The following MICALL2 variants were observed in gnomAD, a reference collection of about 807,000 sequenced individuals.
The protein encoded by MICALL2 is MICAL-like protein 2.
Under a neutral mutation model 91.1 loss-of-function variants are expected in MICALL2, and 111 were observed. That is an observed-to-expected ratio of 1.22 (90% CI 1.04 to 1.43). The LOEUF (loss-of-function observed/expected upper bound fraction) is 1.43, where lower values mean the gene tolerates loss of function less well. Among genes scored for constraint, MICALL2 ranks in the 40% most tolerant of loss-of-function variants. MICALL2 has a pLI of 0.00. For synonymous variants in MICALL2, 694 were observed against 525.3 expected, an observed-to-expected ratio of 1.32 and a Z score of -4.39; for missense variants, 1,556 against 1,236.0, an observed-to-expected ratio of 1.26 and a Z score of -3.88.
At chr7:1,441,958 G>C in intron 7 of MICALL2, 1 of 579,142 alleles carries the variant, frequency 1.7e-6, no homozygotes, top group Non-Finnish European at 3.1e-6. Flanking sequence ...CGTGCGGATG[G>C]GGTGGGCTGG....
intron 10 of MICALL2, 35 bp from the exon 11 acceptor site, chr7:1,438,388 G>C: frequency 1.9e-6 from 3 of 1,576,672 alleles, no homozygotes; most frequent in Non-Finnish European, 2.6e-6. Flanking sequence ...CTGGGACCTG[G>C]GCCACCAGGC....
At position 1,442,459 on chromosome 7, in the gene MICALL2, G is replaced by C. The variant is rs773888512; in HGVS notation, c.1444C>G (p.Pro482Ala). 3 of 1,541,732 alleles carry C rather than the reference G, an allele frequency of 1.9e-6. No individual in the cohort carries two copies. The highest frequency in any genetic ancestry group is 1.9e-5 in the Admixed American group (1 of 51,410). Residue 482 changes from proline to alanine, a missense_variant, in exon 7 of 17, where the codon CCC becomes GCC. Transcript: ENST00000297508. ...GCTTCAGTTTTGGGCTGAGAACTGG[G>C]AACAGCGGCAGTGGCTGGGGAGGGC... Reference protein sequence around the residue: ...GRPSPATAAVPSSQPKTEAPQ... With the variant: ...GRPSPATAAVASSQPKTEAPQ...
At chr7:1,438,684 G>GCGGGCCTGGGGCA in intron 10 of MICALL2, 156 bp downstream of exon 10, 1 of 1,458,694 alleles carries the variant, frequency 6.9e-7, no homozygotes, top group Non-Finnish European at 9.0e-7. Context: ...ATTCATGAGG[G>GCGGGCCTGGGGCA]CGGGCCTGGG....
At chr7:1,440,472 C>T in intron 8 of MICALL2, 119 bp downstream of exon 8, 2 of 908,386 alleles carry the variant, frequency 2.2e-6, no homozygotes, top group Non-Finnish European at 1.7e-6. Flanking sequence ...GCCTCTGCTA[C>T]TCACAGGGAG....
At position 1,440,649 on chromosome 7, in the gene MICALL2, C is replaced by A. The variant is rs118132501; in HGVS notation, c.1747G>T (p.Gly583Trp). Residue 583 changes from glycine (G) to tryptophan (W), a missense_variant, in exon 8 of 17, where the codon GGG (glycine) becomes TGG (tryptophan). Coordinates refer to ENST00000297508, the MANE Select transcript of MICALL2 (RefSeq NM_182924.4). ...STSLQEGQED[G>W]PAGWRANLKP... Reference sequence around the variant, plus strand: ...AGATTCGCTCTCCATCCTGCCGGCCCGTCCTCCTGGCCTTCCTGGAGGCTG... The same window carrying A: ...AGATTCGCTCTCCATCCTGCCGGCCAGTCCTCCTGGCCTTCCTGGAGGCTG... 6.2e-7 allele frequency: 1 copy of A among 1,612,598 alleles called. No individual in the cohort carries two copies. Among genetic ancestry groups the A allele is most frequent in the Non-Finnish European group, 8.5e-7 (1 of 1,179,930 alleles).
intron 15 of MICALL2, among the ~76,000 whole-genome samples, chr7:1,435,802 C>T (rs1298818783): frequency 6.6e-6 from 1 of 152,190 alleles, no homozygotes; most frequent in East Asian, 1.9e-4. Flanking sequence ...CACCTGTAAT[C>T]CCAGCACTTT....
At chr7:1,448,813 C>T (rs772599457) in intron 2 of MICALL2, 52 bp from the exon 3 acceptor site, 5 of 1,601,436 alleles carry the variant, frequency 3.1e-6, no homozygotes, top group Admixed American at 1.7e-5. Context: ...CCCTCCTTCT[C>T]CACCAGGCCG....
chr7:1,449,288 GA>G (rs1780734375), intron 2 of MICALL2, among the ~76,000 whole-genome samples: 1 of 152,244 alleles, frequency 6.6e-6, no homozygotes, highest in Admixed American at 6.5e-5. Flanking sequence ...CACACTTGAG[GA>G]ACTGGACTTG....
chr7:1,438,983 GAGGGGGACCTGGCTGCCCCC>G lies in MICALL2; in HGVS notation c.1967-8_1978del, dbSNP rs761840467. On this transcript the variant is annotated splice_acceptor_variant and splice_polypyrimidine_tract_variant and coding_sequence_variant and intron_variant, in exon 10 of 17. Coordinates refer to ENST00000297508, the MANE Select transcript of MICALL2 (RefSeq NM_182924.4). LOFTEE classifies it high-confidence loss of function. The stretch of plus-strand genomic sequence containing the variant: ...GGCCAGTCTCCTGCGGCGGGGTGGG[GAGGGGGACCTGGCTGCCCCC>G]AGGTGGGGAGACAGAGCCACGCTTC... The G allele has an allele frequency of 1.8e-5, 28 of 1,595,168 alleles. 2 individuals carry two copies. The South Asian group carries it at 3.0e-4, about 17-fold the overall frequency.
At chr7:1,443,588 G>A (rs1780416508) in intron 6 of MICALL2, among the ~76,000 whole-genome samples, 1 of 152,206 alleles carries the variant, frequency 6.6e-6, no homozygotes, top group Non-Finnish European at 1.5e-5. Flanking sequence ...CTGGGTTAGG[G>A]TGGACCCTAG....
In MICALL2 at chr7:1,445,034, T is replaced by C. The variant is rs2128522524; in HGVS notation, c.1036A>G (p.Met346Val). 1.3e-6 allele frequency: 2 copies of C among 1,534,548 alleles called. No homozygotes were observed. The highest frequency in any genetic ancestry group is 2.4e-5 in the East Asian group (1 of 40,914). Reference protein sequence around the residue: ...VRPRVTNSSPMGWSSAAPCTA... With the variant: ...VRPRVTNSSPVGWSSAAPCTA... ...CACGGGGCAGCTGACGACCAGCCCA[T>C]CGGGGAGCTATTGGTCACACGAGGG... is the stretch of plus-strand genomic sequence containing the variant. Residue 346 changes from methionine to valine, a missense_variant, in exon 6 of 17, where the codon ATG (methionine) becomes GTG (valine). Coordinates refer to ENST00000297508, the MANE Select transcript of MICALL2 (RefSeq NM_182924.4).
Position 1,456,034 on chromosome 7 carries a change from C to A in MICALL2, c.143+3150G>T, listed in dbSNP as rs553842679. On this transcript the variant is annotated intron_variant, in intron 1 of 16. Coordinates refer to ENST00000297508, the MANE Select transcript of MICALL2 (RefSeq NM_182924.4). ...AGCCAAGGGCTGCATGAGGAGACCT[C>A]CACCCCAGCCACCACCTCATCCAGA... 1.5e-3 allele frequency among the ~76,000 whole-genome samples: 222 copies of A among 151,978 alleles called. 2 individuals carry two copies. Among genetic ancestry groups the A allele is most frequent in the African/African-American group, 5.2e-3 (217 of 41,492 alleles).
rs555624897 is a variant in MICALL2 at position 1,459,318 on chromosome 7, G to A, written c.9C>T (p.Ala3=). Residue 3 remains alanine, a synonymous_variant, in exon 1 of 17, where the codon GCC becomes GCT. Transcript: ENST00000297508. ...GGCACCACTGTTGCAGCGCCCTGAT[G>A]GCCGCCATGTGGGCGGCGCGCCCGC... MA[A]IRALQQWCRQ... is the part of the protein sequence containing the mutation. 6 of 1,552,112 alleles carry A rather than the reference G, an allele frequency of 3.9e-6. No individual in the cohort carries two copies. The highest frequency in any genetic ancestry group is 5.2e-5 in the East Asian group (2 of 38,590).
rs139013583 is a variant in MICALL2 at position 1,440,967 on chromosome 7, C to T, written c.1712-283G>A. 498 of 448,416 alleles carry T rather than the reference C, an allele frequency of 1.1e-3. 1 individual carries two copies. Among genetic ancestry groups the T allele is most frequent in the African/African-American group, 9.2e-3 (461 of 49,972 alleles). The allele number at this position is 448,416 out of a possible 1,614,324, so 27.8% of individuals were successfully genotyped here. ...GGTGGGGACGTGGCAGGGTGAGCCCCGTGGACCCTGATCCTCTGTCCACCT... is the reference window on the plus strand; with the variant it reads ...GGTGGGGACGTGGCAGGGTGAGCCCTGTGGACCCTGATCCTCTGTCCACCT... On this transcript the variant is annotated intron_variant, in intron 7 of 16. Coordinates refer to ENST00000297508, the MANE Select transcript of MICALL2 (RefSeq NM_182924.4).
chr7:1,445,323 G>A lies in MICALL2; in HGVS notation c.747C>T (p.Ser249=), dbSNP rs1474252907. 3 of 1,610,054 alleles carry A rather than the reference G, an allele frequency of 1.9e-6. No individual in the cohort carries two copies. The highest frequency in any genetic ancestry group is 1.7e-6 in the Non-Finnish European group (2 of 1,179,576). Residue 249 remains serine (S), a synonymous_variant, in exon 6 of 17, where the codon AGC becomes AGT. Transcript: ENST00000297508. ...GGGGGACCAGACCCGTCAACTTGGG[G>A]CTTGCAGAGGCGGCTGCGGGGAGGT... ...TSHLPAAASA[S]PKLTGLVPRQ...
intron 15 of MICALL2, among the ~76,000 whole-genome samples, 175 bp downstream of exon 15, chr7:1,436,567 A>AAAAAAAAAAG (rs1779975229): frequency 6.6e-6 from 1 of 151,832 alleles, no homozygotes; most frequent in African/African-American, 2.4e-5. Flanking sequence ...AAAAAAAAAA[A>AAAAAAAAAAG]AAGACTTCAA....
intron 1 of MICALL2, among the ~76,000 whole-genome samples, chr7:1,453,331 G>A (rs2128525527): frequency 6.6e-6 from 1 of 152,212 alleles, no homozygotes; most frequent in South Asian, 2.1e-4. Context: ...GGGAAATGTG[G>A]ATGCAGATAC....
chr7:1,438,822 G>A lies in MICALL2; in HGVS notation c.2122+18C>T, dbSNP rs370879236. 30 of 1,585,920 alleles carry A rather than the reference G, an allele frequency of 1.9e-5. No homozygotes were observed. Among genetic ancestry groups the A allele is most frequent in the African/African-American group, 1.3e-4 (10 of 74,410 alleles). On this transcript the variant is annotated intron_variant, in intron 10 of 16. Transcript: ENST00000297508. ...CTTCACGTACACCCCAAACAGCAGC[G>A]GTGTCTCTGGGGCTGACCTGGTTTG... is the stretch of plus-strand genomic sequence containing the variant.
At position 1,442,377 on chromosome 7, in the gene MICALL2, C is replaced by A. The variant is rs144549339; in HGVS notation, c.1526G>T (p.Gly509Val). Residue 509 changes from glycine to valine, a missense_variant, in exon 7 of 17, where the codon GGC becomes GTC. Gly to Val is a moderately radical substitution (Grantham distance 109). Transcript: ENST00000297508. ...TGGCGGTTCCATCCTCGAAGGGAGGCCAAGCACCCGGGGAGACGAGGACTG... is the reference window on the plus strand; with the variant it reads ...TGGCGGTTCCATCCTCGAAGGGAGGACAAGCACCCGGGGAGACGAGGACTG... The part of the protein sequence containing the change: ...PLQSSSPRVL[G>V]LPSRMEPPAP... 4.0e-5 allele frequency: 64 copies of A among 1,610,510 alleles called. No homozygotes were observed. The Admixed American group carries it at 4.2e-4, about 11-fold the overall frequency.
Sources: gnomAD v4.1 joint callset for allele counts (sites outside exome capture counted in the v4.1 genomes callset) on GRCh38, gnomAD v4.1.1 for gene constraint, MANE v1.5 for transcripts, NCBI Gene and HGNC (gene_info 2026-07-23, HGNC 2026-07-21) for gene names.